Variants in DCHS2 observed in about 807,000 individuals in gnomAD.
The protein encoded by DCHS2 is protocadherin-23.
DCHS2 carries 142 observed loss-of-function variants against 182.4 expected under a neutral mutation model. The ratio of observed to expected loss-of-function variants is 0.78; its 90% CI spans 0.68 to 0.89. The LOEUF (loss-of-function observed/expected upper bound fraction) is 0.89. Ranked by LOEUF, DCHS2 falls within the 40% of genes least tolerant of loss-of-function variation. DCHS2 has a pLI of 0.00. For missense variants in DCHS2, 4,319 were observed against 4,198.6 expected (o/e 1.03, Z -0.79); for synonymous variants, 1,740 against 1,663.3 (o/e 1.05, Z -1.12).
rs756459080 is a variant in DCHS2, at chr4:154,235,235, T to C, written c.9417A>G (p.Ser3139=). 2 of 1,614,112 alleles carry C rather than the reference T, an allele frequency of 1.2e-6. No individual in the cohort carries two copies. Among genetic ancestry groups the C allele is most frequent in the South Asian group, 2.2e-5 (2 of 91,086 alleles). ...RVPDSGIPRD[S]DQLSCLSGET... ...CCCCAGATAGGCAGGAGAGCTGGTC[T>C]GAGTCCCTCGGGATACCCGAGTCTG... Residue 3139 remains serine, a synonymous_variant, in exon 20 of 20, where the codon TCA becomes TCG. Transcript: ENST00000357232.
At chr4:154,394,286 T>C (rs1330960726) in intron 1 of DCHS2, among the ~76,000 whole-genome samples, 1 of 152,180 alleles carries the variant, frequency 6.6e-6, no homozygotes, top group Non-Finnish European at 1.5e-5. Context: ...ATTCTGCTCA[T>C]ACAGAATTGA....
At chr4:154,239,371 G>T (rs1731691764) in intron 18 of DCHS2, 69 bp from the exon 19 acceptor site, 38 of 1,582,688 alleles carry the variant, frequency 2.4e-5, no homozygotes, top group Non-Finnish European at 3.2e-5. Flanking sequence ...AACAGGGACA[G>T]AACATGAGGT....
chr4:154,276,683 G>A (rs187682885), intron 13 of DCHS2, among the ~76,000 whole-genome samples: 114 of 152,308 alleles, frequency 7.5e-4, no homozygotes, highest in African/African-American at 2.7e-3. Flanking sequence ...AAAGCCTGGA[G>A]TGACATTAGC....
rs150458631 is a variant in DCHS2, at chr4:154,332,778, A to T, written c.3430T>A (p.Leu1144Met). 1 of 1,614,244 alleles carries T rather than the reference A, an allele frequency of 6.2e-7. No homozygotes were observed. Among genetic ancestry groups the T allele is most frequent in the African/African-American group, 1.3e-5 (1 of 75,072 alleles). ...GIRPYTGWIY[L>M]RRQFDYESTQ... is the part of the protein sequence containing the mutation. ...GATTCATAGTCAAACTGTCGCCGCA[A>T]ATAAATCCAGCCCGTGTAAGGGCGG... is the stretch of plus-strand genomic sequence containing the variant. Residue 1144 changes from leucine to methionine, a missense_variant, in exon 5 of 20, where the codon TTG becomes ATG. Physicochemically the swap from Leu to Met is conservative, Grantham distance 15. Transcript: ENST00000357232.
At chr4:154,257,337 C>G (rs114383775) in intron 15 of DCHS2, among the ~76,000 whole-genome samples, 1 of 152,112 alleles carries the variant, frequency 6.6e-6, no homozygotes, top group African/African-American at 2.4e-5. Flanking sequence ...CTAACCCAAC[C>G]GGGGAGAGAT....
At chr4:154,322,614 C>A in intron 7 of DCHS2, 126 bp from the exon 8 acceptor site, 5 of 1,189,922 alleles carry the variant, frequency 4.2e-6, no homozygotes, top group East Asian at 2.8e-5. Flanking sequence ...AGTATGAACA[C>A]AAAAATGACA....
intron 1 of DCHS2, among the ~76,000 whole-genome samples, chr4:154,446,813 G>A (rs539976626): frequency 6.6e-6 from 1 of 152,098 alleles, no homozygotes; most frequent in African/African-American, 2.4e-5. Flanking sequence ...GTTGCTCTTC[G>A]ACCTATTCAA....
At chr4:154,378,889 T>C (rs1731046951) in intron 1 of DCHS2, among the ~76,000 whole-genome samples, 1 of 152,130 alleles carries the variant, frequency 6.6e-6, no homozygotes, top group Non-Finnish European at 1.5e-5. Context: ...ATGTGCTAGA[T>C]TATGTGTAGC....
chr4:154,369,383 T>C lies in DCHS2; in HGVS notation c.2245-2942A>G, dbSNP rs189414868. The stretch of plus-strand genomic sequence containing the variant: ...CCACTCTTTTTAGGCCCCAGAATGC[T>C]CTTTGAAAGAAACATATTGGGAAAC... On this transcript the variant is annotated intron_variant, in intron 2 of 19. Transcript: ENST00000357232. Among the ~76,000 whole-genome samples the C allele has an allele frequency of 2.6e-5, 4 of 152,340 alleles. No individual in the cohort carries two copies. In the East Asian group the frequency reaches 5.8e-4, roughly 22 times the overall value.
At chr4:154,477,757 A>G (rs776375437) in intron 1 of DCHS2, among the ~76,000 whole-genome samples, 1 of 152,252 alleles carries the variant, frequency 6.6e-6, no homozygotes, top group Non-Finnish European at 1.5e-5. Context: ...ATTTCCACTT[A>G]AGATGAAAGT....
In DCHS2 at chr4:154,232,653, C is replaced by CTT. The variant is rs1214142385; in HGVS notation, c.*1881_*1882dup. 1 of 151,998 alleles carries CTT rather than the reference C, an allele frequency of 6.6e-6. No individual in the cohort carries two copies. Among genetic ancestry groups the CTT allele is most frequent in the African/African-American group, 2.4e-5 (1 of 41,484 alleles). 9.4% of individuals were successfully genotyped at this position (151,998 alleles called of 1,614,324 possible). A position where few individuals can be genotyped will look rare whatever the true frequency, so the allele number is the denominator to read the frequency against. On this transcript the variant is annotated 3_prime_UTR_variant, in exon 20 of 20. Transcript: ENST00000357232. ...ATTAGGAAAATATAGTATAGGGTTT[C>CTT]TTTCTATGCTCAAAGCAATGTTTTC...
At chr4:154,329,169 C>T (rs1017419953) in intron 6 of DCHS2, among the ~76,000 whole-genome samples, 7 of 152,116 alleles carry the variant, frequency 4.6e-5, no homozygotes, top group Non-Finnish European at 5.9e-5. Context: ...ATCTTAGAGA[C>T]ATGTATCAAT....
intron 14 of DCHS2, among the ~76,000 whole-genome samples, chr4:154,267,386 T>C (rs1733330477): frequency 6.6e-6 from 1 of 152,192 alleles, no homozygotes; most frequent in Non-Finnish European, 1.5e-5. Flanking sequence ...GTGCATTGTC[T>C]AATATTAACA....
At chr4:154,266,323 G>T (rs199648586) in intron 14 of DCHS2, among the ~76,000 whole-genome samples, 17 of 101,010 alleles carry the variant, frequency 1.7e-4, no homozygotes, top group Admixed American at 3.6e-4. Flanking sequence ...AGTTGCAGGG[G>T]TTTTTTTTTT....
chr4:154,309,085 T>G (rs975558711), intron 10 of DCHS2, among the ~76,000 whole-genome samples: 1 of 152,236 alleles, frequency 6.6e-6, no homozygotes, highest in African/African-American at 2.4e-5. Flanking sequence ...TATATTCTTA[T>G]CGCACTGGCT....
At chr4:154,362,510 C>T (rs539577102) in intron 3 of DCHS2, among the ~76,000 whole-genome samples, 3 of 152,246 alleles carry the variant, frequency 2.0e-5, no homozygotes, top group East Asian at 1.9e-4. Context: ...CTGTAGAGAT[C>T]GGCCATATGA....
intron 6 of DCHS2, among the ~76,000 whole-genome samples, chr4:154,328,676 G>T (rs142983002): frequency 7.7e-4 from 117 of 152,248 alleles, no homozygotes; most frequent in African/African-American, 2.8e-3. Context: ...TCAACTACAT[G>T]TTTAGAGTCC....
intron 3 of DCHS2, among the ~76,000 whole-genome samples, chr4:154,336,879 T>TTTA (rs1728837676): frequency 6.6e-6 from 1 of 152,254 alleles, no homozygotes; most frequent in Non-Finnish European, 1.5e-5. Flanking sequence ...CTCCTAAACA[T>TTTA]GGTCCAAGTT....
chr4:154,491,304 G>C lies in DCHS2; in HGVS notation c.52C>G (p.Pro18Ala), dbSNP rs1432489673. Reference protein sequence around the residue: ...MGEGRQQRRAPVGKLLLLPGR... With the variant: ...MGEGRQQRRAAVGKLLLLPGR... ...GGGAGCAGAAGGAGCTTCCCGACCG[G>C]AGCCCGCCGCTGCTGACGCCCTTCG... Residue 18 changes from proline (P) to alanine (A), a missense_variant, in exon 1 of 20, where the codon CCG becomes GCG. Coordinates refer to ENST00000357232, the MANE Select transcript of DCHS2 (RefSeq NM_001358235.2). 3.9e-6 allele frequency: 6 copies of C among 1,548,020 alleles called. No individual in the cohort carries two copies. The highest frequency in any genetic ancestry group is 5.2e-6 in the Non-Finnish European group (6 of 1,144,688).
Sources: gnomAD v4.1 joint callset for allele counts (sites outside exome capture counted in the v4.1 genomes callset) on GRCh38, gnomAD v4.1.1 for gene constraint, MANE v1.5 for transcripts, NCBI Gene and HGNC (gene_info 2026-07-23, HGNC 2026-07-21) for gene names.